The following SGCZ variants were observed in gnomAD, a reference collection of about 807,000 sequenced individuals.
SGCZ encodes sarcoglycan zeta, also known as zeta-sarcoglycan.
SGCZ carries 40 observed loss-of-function variants against 41.3 expected under a neutral mutation model. The ratio of observed to expected loss-of-function variants is 0.97; its 90% CI spans 0.75 to 1.26. The LOEUF (loss-of-function observed/expected upper bound fraction) is 1.26. Ranked by LOEUF, SGCZ falls within the 50% of genes most tolerant of loss-of-function variation. SGCZ has a pLI of 0.00. For missense variants in SGCZ, 552 were observed against 369.8 expected, an observed-to-expected ratio of 1.49 and a Z score of -4.04; for synonymous variants, 206 against 137.5, an observed-to-expected ratio of 1.50 and a Z score of -3.49.
intron 1 of SGCZ, among the ~76,000 whole-genome samples, chr8:15,013,503 C>T (rs1425169544): frequency 1.3e-5 from 2 of 152,098 alleles, no homozygotes; most frequent in African/African-American, 2.4e-5. Flanking sequence ...ATTTCCTTTT[C>T]CTAATGTTCT....
At chr8:14,195,173 C>A (rs756225146) in intron 4 of SGCZ, among the ~76,000 whole-genome samples, 11 of 151,942 alleles carry the variant, frequency 7.2e-5, no homozygotes, top group Non-Finnish European at 1.3e-4. Context: ...TTCAAACATG[C>A]ATAAATGGAC....
intron 1 of SGCZ, among the ~76,000 whole-genome samples, chr8:15,044,754 T>C (rs866371076): frequency 2.0e-5 from 3 of 152,008 alleles, no homozygotes; most frequent in South Asian, 4.1e-4. Flanking sequence ...AGTTCCCCTG[T>C]GGCCTGGTGA....
chr8:14,678,713 T>A (rs74677831), intron 1 of SGCZ, among the ~76,000 whole-genome samples: 8,692 of 152,234 alleles, frequency 0.057, 349 homozygotes, highest in East Asian at 0.16. Flanking sequence ...TGAAAACCTA[T>A]GTTCATAGAA....
chr8:14,691,162 T>A (rs1162736089), intron 1 of SGCZ, among the ~76,000 whole-genome samples: 1 of 152,210 alleles, frequency 6.6e-6, no homozygotes, highest in African/African-American at 2.4e-5. Flanking sequence ...TTTTCTTCAA[T>A]GATGAATGAA....
chr8:14,609,190 A>G (rs1430878041), intron 1 of SGCZ, among the ~76,000 whole-genome samples: 2 of 152,208 alleles, frequency 1.3e-5, no homozygotes, highest in Non-Finnish European at 1.5e-5. Flanking sequence ...TTGTAATAAC[A>G]TAACAAAATT....
intron 1 of SGCZ, among the ~76,000 whole-genome samples, chr8:15,006,435 A>G (rs1802608097): frequency 6.6e-6 from 1 of 152,208 alleles, no homozygotes; most frequent in African/African-American, 2.4e-5. Flanking sequence ...TGGACATTCA[A>G]CACTGAAGAA....
intron 3 of SGCZ, among the ~76,000 whole-genome samples, chr8:14,262,409 G>C (rs1464199741): frequency 6.6e-6 from 1 of 152,086 alleles, no homozygotes; most frequent in African/African-American, 2.4e-5. Flanking sequence ...TGGCCATAGA[G>C]ATTTCCTGAG....
At chr8:14,184,780 T>C (rs1193064942) in intron 4 of SGCZ, among the ~76,000 whole-genome samples, 1 of 152,228 alleles carries the variant, frequency 6.6e-6, no homozygotes, top group African/African-American at 2.4e-5. Context: ...GGGCTTAATC[T>C]TTCATGATTT....
chr8:14,730,423 T>C (rs1447896801), intron 1 of SGCZ, among the ~76,000 whole-genome samples: 1 of 151,788 alleles, frequency 6.6e-6, no homozygotes, highest in Non-Finnish European at 1.5e-5. Flanking sequence ...AATACTAAAG[T>C]GCAACCTGCT....
rs980582791 is a variant in SGCZ, at chr8:14,179,812, G to A, written c.425-15110C>T. Reference sequence around the variant, plus strand: ...CAGGTATTCCTATACTTACTGGGCTGCTAGAAGATACTCATTCCTCACTTG... The same window carrying A: ...CAGGTATTCCTATACTTACTGGGCTACTAGAAGATACTCATTCCTCACTTG... On this transcript the variant is annotated intron_variant, in intron 4 of 7. Coordinates refer to ENST00000382080, the MANE Select transcript of SGCZ (RefSeq NM_139167.4). 4.6e-5 allele frequency among the ~76,000 whole-genome samples: 7 copies of A among 152,236 alleles called. No individual in the cohort carries two copies. In the South Asian group the frequency reaches 1.5e-3, roughly 32 times the overall value.
intron 2 of SGCZ, among the ~76,000 whole-genome samples, chr8:14,333,598 C>T (rs185163585): frequency 2.6e-5 from 4 of 152,144 alleles, no homozygotes; most frequent in African/African-American, 7.2e-5. Flanking sequence ...TCATAGTACA[C>T]ATTAGCATAT....
At chr8:14,984,217 T>C (rs1801758757) in intron 1 of SGCZ, among the ~76,000 whole-genome samples, 1 of 152,198 alleles carries the variant, frequency 6.6e-6, no homozygotes, top group African/African-American at 2.4e-5. Flanking sequence ...TCAAATTATT[T>C]TGAAGTAAAT....
chr8:14,206,165 G>C (rs1461531836), intron 4 of SGCZ, among the ~76,000 whole-genome samples: 1 of 151,970 alleles, frequency 6.6e-6, no homozygotes, highest in Non-Finnish European at 1.5e-5. Flanking sequence ...ATTAATATTA[G>C]AAAACATCAT....
intron 1 of SGCZ, among the ~76,000 whole-genome samples, chr8:15,208,874 T>C (rs1158700553): frequency 7.8e-6 from 1 of 128,782 alleles, no homozygotes; most frequent in Non-Finnish European, 1.7e-5. Context: ...CCTAAATATA[T>C]ATATACACAT....
intron 2 of SGCZ, among the ~76,000 whole-genome samples, chr8:14,506,699 A>G (rs374709310): frequency 6.6e-6 from 1 of 152,160 alleles, no homozygotes; most frequent in African/African-American, 2.4e-5. Context: ...GTGATCAAGG[A>G]TATCAATGGC....
intron 1 of SGCZ, among the ~76,000 whole-genome samples, chr8:15,040,259 A>G (rs1233921526): frequency 6.6e-6 from 1 of 152,224 alleles, no homozygotes; most frequent in Admixed American, 6.5e-5. Context: ...GTTAACGAAT[A>G]TAGTAGGAAT....
Position 14,747,876 on chromosome 8 carries a change from C to T in SGCZ, c.40-192950G>A, listed in dbSNP as rs567373108. Among the ~76,000 whole-genome samples, 108 of 122,972 alleles carry T rather than the reference C, an allele frequency of 8.8e-4. 1 individual carries two copies. The highest frequency in any genetic ancestry group is 1.7e-3 in the Non-Finnish European group (95 of 56,068). 80.7% of individuals were successfully genotyped at this position (122,972 alleles called of 152,430 possible). ...TACAGGCACCCACCACCACAACTGA[C>T]TAATTTTTTTTTTTTTTTTTTGTAT... On this transcript the variant is annotated intron_variant, in intron 1 of 7. Coordinates refer to ENST00000382080, the MANE Select transcript of SGCZ (RefSeq NM_139167.4).
intron 5 of SGCZ, among the ~76,000 whole-genome samples, chr8:14,143,736 T>C (rs1257188650): frequency 6.6e-6 from 1 of 152,068 alleles, no homozygotes; most frequent in Non-Finnish European, 1.5e-5. Context: ...CATGAAGAGA[T>C]AAAGAGCCCT....
At chr8:15,128,757 G>T (rs138905175) in intron 1 of SGCZ, among the ~76,000 whole-genome samples, 236 of 152,284 alleles carry the variant, frequency 1.5e-3, no homozygotes, top group African/African-American at 5.3e-3. Context: ...CCACAACACA[G>T]ATCCTTCAAA....
Sources: allele counts gnomAD v4.1 joint callset (sites outside exome capture counted in the v4.1 genomes callset), GRCh38; gene constraint gnomAD v4.1.1; transcripts MANE v1.5; gene names NCBI Gene and HGNC (gene_info 2026-07-23, HGNC 2026-07-21).